NBEAL1: variants seen among roughly 807,000 people sequenced by gnomAD.
The protein encoded by NBEAL1 is neurobeachin like 1.
In NBEAL1, 273 loss-of-function variants were observed where a neutral mutation model predicts 351.3. The observed-to-expected ratio is 0.78, with a 90% CI of 0.70 to 0.86. The LOEUF is 0.86. NBEAL1 is among the 40% of genes least tolerant of loss of function. The pLI is 0.00. For missense variants in NBEAL1, 2,961 were observed against 3,201.3 expected (o/e 0.92, Z 1.81); for synonymous variants, 1,050 against 1,086.4 (o/e 0.97, Z 0.66).
intron 55 of NBEAL1, among the ~76,000 whole-genome samples, chr2:203,214,474 A>G (rs2065865203): frequency 6.6e-6 from 1 of 152,218 alleles, no homozygotes; most frequent in Non-Finnish European, 1.5e-5. Context: ...AAAAAGTGTC[A>G]TTAAATTAAT....
At position 203,099,629 on chromosome 2, in the gene NBEAL1, G is replaced by A. The variant is rs1406338135; in HGVS notation, c.1186G>A (p.Val396Met). 1.3e-6 allele frequency: 2 copies of A among 1,537,576 alleles called. No individual in the cohort carries two copies. The highest frequency in any genetic ancestry group is 2.0e-5 in the Admixed American group (1 of 48,944). Residue 396 changes from valine to methionine, a missense_variant and splice_region_variant, in exon 12 of 56, where the codon GTG becomes ATG. Physicochemically the swap from Val to Met is conservative, Grantham distance 21. Transcript: ENST00000683969. ...CTTGTTTCCCCTTCCCCCTCAATAG[G>A]TGTTTCAGGGACAATTGGATTGTTT... Reference protein sequence around the residue: ...KLLTEMNEDQVFQGQLDCLAI... With the variant: ...KLLTEMNEDQMFQGQLDCLAI...
chr2:203,207,057 G>C (rs980659144), intron 51 of NBEAL1, among the ~76,000 whole-genome samples: 4 of 150,006 alleles, frequency 2.7e-5, no homozygotes, highest in African/African-American at 9.8e-5. Flanking sequence ...TGTGGGGAGC[G>C]CCTCTGCCCT....
chr2:203,151,669 T>C lies in NBEAL1; in HGVS notation c.5587+80T>C, dbSNP rs550544638. On this transcript the variant is annotated intron_variant, in intron 35 of 55. Transcript: ENST00000683969. Reference sequence around the variant, plus strand: ...GGTTGACGATTGTTATTTTATTGTTTTAAATGTGTTTACTTATGAAGGAAG... The same window carrying C: ...GGTTGACGATTGTTATTTTATTGTTCTAAATGTGTTTACTTATGAAGGAAG... The C allele has an allele frequency of 3.8e-5, 50 of 1,316,218 alleles. No homozygotes were observed. The South Asian group carries it at 5.8e-4, about 15-fold the overall frequency. The allele number at this position is 1,316,218 out of a possible 1,614,324, so 81.5% of individuals were successfully genotyped here. A position where few individuals can be genotyped will look rare whatever the true frequency, so the allele number is the denominator to read the frequency against.
At chr2:203,116,804 AAAAG>A (rs2062709981) in intron 18 of NBEAL1, among the ~76,000 whole-genome samples, 2 of 150,984 alleles carry the variant, frequency 1.3e-5, no homozygotes, top group Non-Finnish European at 1.5e-5. Flanking sequence ...AAAAAAAAAA[AAAAG>A]GGGGGGGCCC....
chr2:203,106,907 C>T (rs567738981), intron 12 of NBEAL1, among the ~76,000 whole-genome samples: 1 of 152,224 alleles, frequency 6.6e-6, no homozygotes, highest in South Asian at 2.1e-4. Flanking sequence ...ACTTGATGTT[C>T]CAGATAATTC....
At chr2:203,045,784 TATA>T (rs1375737046) in intron 3 of NBEAL1, among the ~76,000 whole-genome samples, 1 of 152,212 alleles carries the variant, frequency 6.6e-6, no homozygotes, top group South Asian at 2.1e-4. Context: ...AAGAGGTAAC[TATA>T]AAGTATAATT....
Position 203,083,359 on chromosome 2 carries a change from G to A in NBEAL1, c.825G>A (p.Val275=), listed in dbSNP as rs896637074. Residue 275 remains valine, a synonymous_variant, in exon 9 of 56, where the codon GTG becomes GTA. Coordinates refer to ENST00000683969, the MANE Select transcript of NBEAL1 (RefSeq NM_001378026.1). ...AELTLKCLTE[V]VHILLSSNSD... ...TAACTCTGAAGTGCCTTACAGAAGT[G>A]GTACATATCCTTCTCAGTAGCAACT... 17 of 1,554,812 alleles carry A rather than the reference G, an allele frequency of 1.1e-5. No individual in the cohort carries two copies. The highest frequency in any genetic ancestry group is 1.4e-5 in the Non-Finnish European group (16 of 1,147,872).
intron 12 of NBEAL1, among the ~76,000 whole-genome samples, chr2:203,105,296 A>G (rs1235463719): frequency 6.6e-6 from 1 of 151,758 alleles, no homozygotes; most frequent in African/African-American, 2.4e-5. Flanking sequence ...CCCCATCTCT[A>G]CTAAAAAAAA....
intron 31 of NBEAL1, among the ~76,000 whole-genome samples, chr2:203,141,691 A>G (rs908617755): frequency 3.3e-5 from 5 of 151,748 alleles, no homozygotes; most frequent in Non-Finnish European, 7.4e-5. Context: ...CCCAGATGAG[A>G]CTGATTCTGT....
At chr2:203,083,122 G>C in intron 8 of NBEAL1, 97 bp from the exon 9 acceptor site, 1 of 1,066,294 alleles carries the variant, frequency 9.4e-7, no homozygotes, top group Non-Finnish European at 1.3e-6. Context: ...TTTATTAAAA[G>C]AAAAGGTTGC....
intron 8 of NBEAL1, among the ~76,000 whole-genome samples, chr2:203,079,711 CTT>C (rs1314204206): frequency 6.6e-6 from 1 of 151,954 alleles, no homozygotes; most frequent in Admixed American, 6.6e-5. Context: ...TTTTTAAAAA[CTT>C]AAGTAAATTT....
At chr2:203,025,151 A>G (rs867729405) in intron 2 of NBEAL1, among the ~76,000 whole-genome samples, 50 of 152,214 alleles carry the variant, frequency 3.3e-4, no homozygotes, top group African/African-American at 1.1e-3. Context: ...CTTAGAATCC[A>G]TCTGTAAATC....
chr2:203,093,157 A>C (rs2062100281), intron 10 of NBEAL1, among the ~76,000 whole-genome samples: 1 of 139,880 alleles, frequency 7.1e-6, no homozygotes, highest in African/African-American at 2.6e-5. Context: ...ACTTGAACCC[A>C]GGAGGTGGAG....
At chr2:203,029,130 GTGGCTAATTTTTGTACGCC>G (rs2060908496) in intron 2 of NBEAL1, among the ~76,000 whole-genome samples, 1 of 152,048 alleles carries the variant, frequency 6.6e-6, no homozygotes, top group Non-Finnish European at 1.5e-5. Flanking sequence ...TGATTATAGG[GTGGCTAATTTTTGTACGCC>G]TGGCTAATTT....
rs993669840 is a variant in NBEAL1 at position 203,223,145 on chromosome 2, T to C, written c.*5791T>C. On this transcript the variant is annotated 3_prime_UTR_variant, in exon 56 of 56. Transcript: ENST00000683969. ...CACACGTGAGTGATTTCTAAACACA[T>C]TGCAGGATTTGGACCTGTAAAGCCA... Among the ~76,000 whole-genome samples, 6 of 152,158 alleles carry C rather than the reference T, an allele frequency of 3.9e-5. No homozygotes were observed. The highest frequency in any genetic ancestry group is 8.8e-5 in the Non-Finnish European group (6 of 67,990).
chr2:203,087,778 A>C (rs2061995093), intron 10 of NBEAL1, among the ~76,000 whole-genome samples: 1 of 152,172 alleles, frequency 6.6e-6, no homozygotes, highest in South Asian at 2.1e-4. Flanking sequence ...GGTGACACTT[A>C]AACTTTTTGT....
intron 4 of NBEAL1, among the ~76,000 whole-genome samples, chr2:203,054,800 T>G (rs1184236912): frequency 6.6e-6 from 1 of 152,212 alleles, no homozygotes; most frequent in African/African-American, 2.4e-5. Context: ...TCTAATACAG[T>G]GAATGATTGA....
At chr2:203,053,314 C>T (rs892579900) in intron 4 of NBEAL1, among the ~76,000 whole-genome samples, 7 of 152,094 alleles carry the variant, frequency 4.6e-5, no homozygotes, top group African/African-American at 1.7e-4. Context: ...TTGCAATTCC[C>T]TAATGACAAA....
chr2:203,164,463 T>A (rs1242552551), intron 36 of NBEAL1, among the ~76,000 whole-genome samples: 5 of 152,006 alleles, frequency 3.3e-5, no homozygotes, highest in African/African-American at 1.2e-4. Context: ...TGATGACTAG[T>A]GAATTTAATG....
Sources: gnomAD v4.1 joint callset for allele counts (sites outside exome capture counted in the v4.1 genomes callset) on GRCh38, gnomAD v4.1.1 for gene constraint, MANE v1.5 for transcripts, NCBI Gene and HGNC (gene_info 2026-07-23, HGNC 2026-07-21) for gene names.